Variants in ERBB4 observed in about 807,000 individuals in gnomAD.
ERBB4 encodes the protein receptor tyrosine-protein kinase erbB-4.
ERBB4 carries 42 observed loss-of-function variants against 158.0 expected under a neutral mutation model. That is an observed-to-expected ratio of 0.27 (90% confidence interval 0.21 to 0.34). ERBB4 has a LOEUF of 0.34. Ranked by LOEUF, ERBB4 falls within the 10% of genes least tolerant of loss-of-function variation. ERBB4 has a pLI of 1.00. For missense variants in ERBB4, 1,333 were observed against 1,624.1 expected (o/e 0.82, Z 3.08); for synonymous variants, 583 against 558.7 (o/e 1.04, Z -0.61).
intron 3 of ERBB4, among the ~76,000 whole-genome samples, chr2:211,920,237 C>T (rs1316096812): frequency 1.3e-5 from 2 of 151,890 alleles, no homozygotes; most frequent in African/African-American, 2.4e-5. Flanking sequence ...GCTTATTGTG[C>T]GTCTGAGAGC....
At chr2:212,065,735 G>A (rs1013377672) in intron 2 of ERBB4, among the ~76,000 whole-genome samples, 1 of 152,066 alleles carries the variant, frequency 6.6e-6, no homozygotes, top group Non-Finnish European at 1.5e-5. Flanking sequence ...CAAGGTCAAA[G>A]TGAGTGAAGG....
intron 1 of ERBB4, among the ~76,000 whole-genome samples, chr2:212,262,261 T>C (rs2084972774): frequency 1.3e-5 from 2 of 152,256 alleles, no homozygotes; most frequent in South Asian, 4.1e-4. Flanking sequence ...TTAGAACACC[T>C]GCCAAACTTG....
chr2:212,146,599 C>T (rs749818511), intron 1 of ERBB4, among the ~76,000 whole-genome samples: 4 of 152,140 alleles, frequency 2.6e-5, no homozygotes, highest in Non-Finnish European at 5.9e-5. Flanking sequence ...GATTCCATAG[C>T]AAGGCCAGCA....
At chr2:211,882,896 T>A (rs2078700228) in intron 3 of ERBB4, among the ~76,000 whole-genome samples, 1 of 152,204 alleles carries the variant, frequency 6.6e-6, no homozygotes, top group African/African-American at 2.4e-5. Flanking sequence ...TCTCCTTGTA[T>A]CTGTGTTGGG....
At chr2:212,115,299 C>A (rs2079538645) in intron 2 of ERBB4, among the ~76,000 whole-genome samples, 1 of 151,340 alleles carries the variant, frequency 6.6e-6, no homozygotes. Flanking sequence ...TTGATTTGGT[C>A]TCATGCAAAA....
chr2:212,330,055 T>C (rs1465048788), intron 1 of ERBB4, among the ~76,000 whole-genome samples: 2 of 152,136 alleles, frequency 1.3e-5, no homozygotes, highest in Admixed American at 6.5e-5. Context: ...TTAACAGTCA[T>C]GGTGGAGAAA....
intron 1 of ERBB4, among the ~76,000 whole-genome samples, chr2:212,252,212 C>T (rs1029271127): frequency 1.3e-5 from 2 of 151,850 alleles, no homozygotes; most frequent in Non-Finnish European, 2.9e-5. Flanking sequence ...AAATAAATCA[C>T]GACGATGGAT....
chr2:212,270,438 G>T (rs778553328), intron 1 of ERBB4, among the ~76,000 whole-genome samples: 1 of 151,460 alleles, frequency 6.6e-6, no homozygotes, highest in Non-Finnish European at 1.5e-5. Flanking sequence ...TTTTTACCTC[G>T]CATTCTCTCA....
intron 20 of ERBB4, among the ~76,000 whole-genome samples, chr2:211,503,288 A>G (rs2065661914): frequency 6.6e-6 from 1 of 152,104 alleles, no homozygotes. Flanking sequence ...TCATGCCCTA[A>G]GCGGCTGCAG....
At chr2:212,066,011 G>A (rs949354911) in intron 2 of ERBB4, among the ~76,000 whole-genome samples, 3 of 151,960 alleles carry the variant, frequency 2.0e-5, no homozygotes, top group Admixed American at 1.3e-4. Context: ...TAAATATCAT[G>A]CCAGAAAAAG....
At chr2:212,447,908 C>T (rs931399944) in intron 1 of ERBB4, among the ~76,000 whole-genome samples, 1 of 151,782 alleles carries the variant, frequency 6.6e-6, no homozygotes, top group Non-Finnish European at 1.5e-5. Flanking sequence ...TTAGCTGAGA[C>T]CTTTCACAAA....
At chr2:212,251,170 G>C (rs1472037130) in intron 1 of ERBB4, among the ~76,000 whole-genome samples, 1 of 151,904 alleles carries the variant, frequency 6.6e-6, no homozygotes, top group Non-Finnish European at 1.5e-5. Flanking sequence ...ATTCCAGTAA[G>C]ACACAAAATT....
At chr2:211,861,042 TATATATTTATA>T (rs2078010367) in intron 3 of ERBB4, among the ~76,000 whole-genome samples, 1 of 12,218 alleles carries the variant, frequency 8.2e-5, no homozygotes, top group Non-Finnish European at 1.5e-4. Context: ...ATAATATATT[TATATATTTATA>T]TATATATAAA....
intron 1 of ERBB4, among the ~76,000 whole-genome samples, chr2:212,524,540 T>C (rs1223250632): frequency 6.6e-6 from 1 of 152,042 alleles, no homozygotes; most frequent in African/African-American, 2.4e-5. Flanking sequence ...GGAAAATGTA[T>C]AGCATTTGCT....
In ERBB4 at chr2:212,331,058, G is replaced by GTA; in HGVS notation, c.83-206157_83-206156dup. Among the ~76,000 whole-genome samples, 46 of 56,312 alleles carry GTA rather than the reference G, an allele frequency of 8.2e-4. 12 individuals are homozygous for GTA. The South Asian group carries it at 0.013, about 16-fold the overall frequency. The allele number at this position is 56,312 out of a possible 152,430, so 36.9% of individuals were successfully genotyped here. The stretch of plus-strand genomic sequence containing the variant: ...AGTAAGTTTCCCATATTTGTAATTT[G>GTA]TATATATATATATACACATATATAT... On this transcript the variant is annotated intron_variant, in intron 1 of 27. Coordinates refer to ENST00000342788, the MANE Select transcript of ERBB4 (RefSeq NM_005235.3).
chr2:211,971,713 G>T (rs998996621), intron 2 of ERBB4, among the ~76,000 whole-genome samples: 1 of 152,114 alleles, frequency 6.6e-6, no homozygotes, highest in East Asian at 1.9e-4. Flanking sequence ...GATCAAGTAG[G>T]CTTCATTTCC....
chr2:212,376,437 T>C (rs986803107), intron 1 of ERBB4, among the ~76,000 whole-genome samples: 2 of 152,066 alleles, frequency 1.3e-5, no homozygotes, highest in South Asian at 4.1e-4. Flanking sequence ...CTACTTATTA[T>C]GAGAATGTCT....
intron 1 of ERBB4, among the ~76,000 whole-genome samples, chr2:212,462,902 C>T (rs190332439): frequency 6.4e-4 from 97 of 152,048 alleles, no homozygotes; most frequent in African/African-American, 2.2e-3. Flanking sequence ...TATTTATACA[C>T]AATAGAATAC....
At chr2:211,919,539 A>C (rs1401448438) in intron 3 of ERBB4, among the ~76,000 whole-genome samples, 1 of 152,078 alleles carries the variant, frequency 6.6e-6, no homozygotes, top group Non-Finnish European at 1.5e-5. Context: ...ATGTGCATGA[A>C]CACGCAGAGT....
Sources: gnomAD v4.1 joint callset for allele counts (sites outside exome capture counted in the v4.1 genomes callset) on GRCh38, gnomAD v4.1.1 for gene constraint, MANE v1.5 for transcripts, NCBI Gene and HGNC (gene_info 2026-07-23, HGNC 2026-07-21) for gene names.